Variants in WWOX observed in about 807,000 individuals in gnomAD.
The protein encoded by WWOX is WW domain-containing oxidoreductase.
A neutral mutation model predicts 46.2 loss-of-function variants in WWOX; 69 were observed. The ratio of observed to expected loss-of-function variants is 1.49; its 90% CI spans 1.23 to 1.82. The LOEUF (loss-of-function observed/expected upper bound fraction) is 1.82. Among genes scored for constraint, WWOX ranks in the 40% most tolerant of loss-of-function variants. The pLI, the probability that WWOX is intolerant of heterozygous loss-of-function variation, is 0.00. For missense variants in WWOX, 919 were observed against 542.6 expected, an observed-to-expected ratio of 1.69 and a Z score of -6.89; for synonymous variants, 359 against 202.6, an observed-to-expected ratio of 1.77 and a Z score of -6.56.
chr16:79,111,518 A>G (rs893023892), intron 8 of WWOX, among the ~76,000 whole-genome samples: 1 of 152,230 alleles, frequency 6.6e-6, no homozygotes. Flanking sequence ...TTCATAATGA[A>G]TAGTCATCAT....
intron 8 of WWOX, among the ~76,000 whole-genome samples, chr16:78,696,106 G>A (rs1357658600): frequency 1.3e-5 from 2 of 152,178 alleles, no homozygotes; most frequent in African/African-American, 2.4e-5. Context: ...GGAGAAGCAG[G>A]AAACATAGGA....
Position 78,714,437 on chromosome 16 carries a change from C to T in WWOX, c.1056+281685C>T, listed in dbSNP as rs149984692. ...CGAGAACAGCATGGGAAAGACCTGCCCCCATGATTCAGTTACCTCCCACCG... is the reference window on the plus strand; with the variant it reads ...CGAGAACAGCATGGGAAAGACCTGCTCCCATGATTCAGTTACCTCCCACCG... On this transcript the variant is annotated intron_variant, in intron 8 of 8. Transcript: ENST00000566780. 1.1e-3 allele frequency among the ~76,000 whole-genome samples: 170 copies of T among 152,008 alleles called. 3 individuals are homozygous for T. In the East Asian group the frequency reaches 0.028, roughly 25 times the overall value.
At chr16:78,669,537 A>C (rs981415229) in intron 8 of WWOX, among the ~76,000 whole-genome samples, 1 of 152,218 alleles carries the variant, frequency 6.6e-6, no homozygotes, top group South Asian at 2.1e-4. Context: ...AGTACCTACC[A>C]CAAAGAGTTA....
chr16:78,459,565 C>G (rs539366826), intron 8 of WWOX, among the ~76,000 whole-genome samples: 1 of 152,106 alleles, frequency 6.6e-6, no homozygotes, highest in Non-Finnish European at 1.5e-5. Flanking sequence ...TGGTATATGG[C>G]TTAATTGTAA....
Position 78,221,470 on chromosome 16 carries a change from A to C in WWOX, c.516+57181A>C, listed in dbSNP as rs2036886484. 1.3e-5 allele frequency among the ~76,000 whole-genome samples: 2 copies of C among 152,120 alleles called. 1 individual carries two copies. The highest frequency in any genetic ancestry group is 1.3e-4 in the Admixed American group (2 of 15,278). ...AGAAAGCAATCTCCTATTTCCATTAATGGTGGACTCTGTGGGTAGAGACAT... is the reference window on the plus strand; with the variant it reads ...AGAAAGCAATCTCCTATTTCCATTACTGGTGGACTCTGTGGGTAGAGACAT... On this transcript the variant is annotated intron_variant, in intron 5 of 8. Coordinates refer to ENST00000566780, the MANE Select transcript of WWOX (RefSeq NM_016373.4).
At chr16:78,589,118 C>G (rs1597313326) in intron 8 of WWOX, among the ~76,000 whole-genome samples, 1 of 152,318 alleles carries the variant, frequency 6.6e-6, no homozygotes, top group Non-Finnish European at 1.5e-5. Flanking sequence ...TGTATTTTAG[C>G]TCTCAAGTTT....
rs575226592 is a variant in WWOX at position 78,553,806 on chromosome 16, C to G, written c.1056+121054C>G. 3.3e-5 allele frequency among the ~76,000 whole-genome samples: 5 copies of G among 152,010 alleles called. No individual in the cohort carries two copies. The East Asian group carries it at 9.7e-4, about 30-fold the overall frequency. ...TGTGGCCCTGCAGGTCCTGCAGACC[C>G]CCCTGGTGGCAGTATTGGTGGTCAC... On this transcript the variant is annotated intron_variant, in intron 8 of 8. Transcript: ENST00000566780.
chr16:78,411,342 A>G (rs2151950099), intron 6 of WWOX, among the ~76,000 whole-genome samples: 1 of 152,166 alleles, frequency 6.6e-6, no homozygotes, highest in South Asian at 2.1e-4. Flanking sequence ...TTGCTAATGG[A>G]TTTTAAAGAG....
In WWOX at chr16:78,935,735, C is replaced by A. The variant is rs555061041; in HGVS notation, c.1057-275873C>A. Among the ~76,000 whole-genome samples, 14 of 151,844 alleles carry A rather than the reference C, an allele frequency of 9.2e-5. No individual in the cohort carries two copies. In the South Asian group the frequency reaches 2.9e-3, roughly 32 times the overall value. ...CAAAGCTGCACATTGTGCACATGTA[C>A]CCTAGAACTTAAAGTATAAAAAAAA... On this transcript the variant is annotated intron_variant, in intron 8 of 8. Transcript: ENST00000566780.
intron 8 of WWOX, among the ~76,000 whole-genome samples, chr16:78,661,888 C>G (rs569726329): frequency 6.6e-6 from 1 of 152,080 alleles, no homozygotes; most frequent in African/African-American, 2.4e-5. Flanking sequence ...ACAAAAAATA[C>G]AAAAAATCAG....
intron 8 of WWOX, among the ~76,000 whole-genome samples, chr16:78,916,746 G>C (rs556125595): frequency 1.3e-5 from 2 of 152,210 alleles, no homozygotes; most frequent in Non-Finnish European, 2.9e-5. Context: ...CTAAGTGTCT[G>C]ATAAATTCTG....
intron 8 of WWOX, among the ~76,000 whole-genome samples, chr16:78,643,131 A>G (rs2046759453): frequency 6.6e-6 from 1 of 152,198 alleles, no homozygotes; most frequent in Admixed American, 6.5e-5. Context: ...AGCTCTATGC[A>G]GCTATCCAGA....
chr16:78,507,319 G>C (rs1386055050), intron 8 of WWOX, among the ~76,000 whole-genome samples: 2 of 152,058 alleles, frequency 1.3e-5, no homozygotes, highest in African/African-American at 4.8e-5. Flanking sequence ...ATTGTGCCTA[G>C]GAAACATCAA....
intron 8 of WWOX, among the ~76,000 whole-genome samples, chr16:79,024,318 G>A (rs112840983): frequency 9.1e-4 from 139 of 152,264 alleles, no homozygotes; most frequent in Middle Eastern, 3.4e-3. Context: ...TGGTGCAGTG[G>A]CACAGTCACA....
chr16:78,223,530 G>T (rs1489849254), intron 5 of WWOX, among the ~76,000 whole-genome samples: 1 of 152,146 alleles, frequency 6.6e-6, no homozygotes, highest in Non-Finnish European at 1.5e-5. Context: ...GCAAAGAGAA[G>T]GATGCATAGG....
chr16:78,334,705 T>C (rs747588406), intron 5 of WWOX, among the ~76,000 whole-genome samples: 3 of 151,784 alleles, frequency 2.0e-5, no homozygotes, highest in Non-Finnish European at 4.4e-5. Flanking sequence ...TGTTTTTAAA[T>C]AGCTAACTAA....
At chr16:79,187,211 C>T (rs1177014430) in intron 8 of WWOX, among the ~76,000 whole-genome samples, 6 of 152,112 alleles carry the variant, frequency 3.9e-5, no homozygotes, top group East Asian at 1.9e-4. Context: ...ATTTTCCTCC[C>T]CTGTAAAACG....
At chr16:78,364,750 G>T (rs1476218637) in intron 5 of WWOX, among the ~76,000 whole-genome samples, 1 of 152,170 alleles carries the variant, frequency 6.6e-6, no homozygotes, top group Non-Finnish European at 1.5e-5. Flanking sequence ...AAGGATTAAT[G>T]TGCTACCCTG....
intron 8 of WWOX, among the ~76,000 whole-genome samples, chr16:78,621,771 A>G (rs918626688): frequency 6.6e-5 from 10 of 150,884 alleles, no homozygotes; most frequent in Non-Finnish European, 1.3e-4. Flanking sequence ...TGCCTGGCTA[A>G]TTTTTTGTAT....
Sources: allele counts gnomAD v4.1 joint callset (sites outside exome capture counted in the v4.1 genomes callset), GRCh38; gene constraint gnomAD v4.1.1; transcripts MANE v1.5; gene names NCBI Gene and HGNC (gene_info 2026-07-23, HGNC 2026-07-21).